The following HAPSTR1 variants were observed in gnomAD, a reference collection of about 807,000 sequenced individuals.
The protein encoded by HAPSTR1 is HUWE1 associated protein modifying stress responses.
At chr16:9,098,461 G>T in the HAPSTR1 span, among the ~76,000 whole-genome samples, 1 of 152,302 alleles carries the variant, frequency 6.6e-6, no homozygotes, top group South Asian at 2.1e-4. Flanking sequence ...TAGGGAATAC[G>T]ATTGGGAACA....
At chr16:9,092,078 A>T in the HAPSTR1 span, 3 of 1,539,322 alleles carry the variant, frequency 1.9e-6, no homozygotes, top group Non-Finnish European at 2.6e-6. Context: ...CGAGGCCGAG[A>T]TCCAGGAGCA....
chr16:9,110,628 C>T, the HAPSTR1 span: 13 of 152,186 alleles, frequency 8.5e-5, no homozygotes, highest in Non-Finnish European at 1.9e-4. Flanking sequence ...TTGTATTTAG[C>T]TCTGTGTCTC....
chr16:9,096,474 T>A, the HAPSTR1 span, among the ~76,000 whole-genome samples: 1 of 152,258 alleles, frequency 6.6e-6, no homozygotes, highest in Non-Finnish European at 1.5e-5. Context: ...TCCTCACTTT[T>A]GATACATCTT....
the HAPSTR1 span, among the ~76,000 whole-genome samples, chr16:9,116,185 C>G: frequency 6.6e-6 from 1 of 152,190 alleles, no homozygotes; most frequent in African/African-American, 2.4e-5. Flanking sequence ...ATCACCTTAT[C>G]TAGAGGGGAT....
At chr16:9,098,347 ATAT>A in the HAPSTR1 span, among the ~76,000 whole-genome samples, 3 of 152,144 alleles carry the variant, frequency 2.0e-5, no homozygotes, top group African/African-American at 7.2e-5. Context: ...CACACACAAA[ATAT>A]TATCCCCCTG....
At chr16:9,092,867 T>C in the HAPSTR1 span, 4 of 1,457,876 alleles carry the variant, frequency 2.7e-6, no homozygotes, top group East Asian at 2.3e-5. Flanking sequence ...TTTCTCTTTC[T>C]ATGTGTGTTT....
the HAPSTR1 span, among the ~76,000 whole-genome samples, chr16:9,100,905 T>C: frequency 6.6e-6 from 1 of 152,182 alleles, no homozygotes; most frequent in Admixed American, 6.5e-5. Flanking sequence ...CTTTAGACTT[T>C]TTTTCCTCTG....
At chr16:9,114,660 G>T in the HAPSTR1 span, among the ~76,000 whole-genome samples, 1 of 152,180 alleles carries the variant, frequency 6.6e-6, no homozygotes, top group Non-Finnish European at 1.5e-5. Flanking sequence ...GGCCTAAGAG[G>T]CAGGCTGGCC....
the HAPSTR1 span, chr16:9,119,921 T>C: frequency 1.3e-5 from 2 of 152,286 alleles, no homozygotes; most frequent in African/African-American, 4.8e-5. Context: ...ATGGCCAACA[T>C]CCAACCCAGA....
chr16:9,101,840 C>T, the HAPSTR1 span, among the ~76,000 whole-genome samples: 10 of 152,124 alleles, frequency 6.6e-5, no homozygotes, highest in Admixed American at 4.6e-4. Flanking sequence ...AAATTAAAGC[C>T]GCCGGTTGCA....
chr16:9,094,866 T>C, the HAPSTR1 span, among the ~76,000 whole-genome samples: 3 of 152,240 alleles, frequency 2.0e-5, no homozygotes, highest in Non-Finnish European at 2.9e-5. Context: ...TTTGGTCCTG[T>C]TGGGTTCTTG....
chr16:9,110,029 A>G, the HAPSTR1 span: 2 of 152,170 alleles, frequency 1.3e-5, no homozygotes. Flanking sequence ...AAAAAAGCTA[A>G]TAATCTCCTC....
At chr16:9,116,646 A>G in the HAPSTR1 span, 1 of 1,606,148 alleles carries the variant, frequency 6.2e-7, no homozygotes, top group Non-Finnish European at 8.5e-7. Context: ...AGCAACTCTA[A>G]AACCTTTTTT....
At chr16:9,092,983 G>A in the HAPSTR1 span, 6 of 1,609,384 alleles carry the variant, frequency 3.7e-6, no homozygotes, top group East Asian at 2.2e-5. Flanking sequence ...AGCCACCGCC[G>A]TCACCAATCT....
the HAPSTR1 span, chr16:9,109,788 A>G: frequency 6.6e-6 from 1 of 151,510 alleles, no homozygotes; most frequent in Non-Finnish European, 1.5e-5. Flanking sequence ...TAAAGGAAAA[A>G]AAACTTTTTT....
At chr16:9,118,968 A>G in the HAPSTR1 span, 1 of 152,750 alleles carries the variant, frequency 6.5e-6, no homozygotes, top group East Asian at 1.9e-4. Flanking sequence ...TGAATTGTCA[A>G]ATTTTGATAA....
the HAPSTR1 span, chr16:9,106,562 A>C: frequency 6.6e-6 from 1 of 151,954 alleles, no homozygotes; most frequent in East Asian, 2.0e-4. Flanking sequence ...GTGGGATTGC[A>C]GGTGTGAGCC....
chr16:9,105,064 C>G, the HAPSTR1 span: 1 of 152,158 alleles, frequency 6.6e-6, no homozygotes, highest in Admixed American at 6.5e-5. Flanking sequence ...AAAGGGCAAG[C>G]CAGCCCCCTC....
the HAPSTR1 span, among the ~76,000 whole-genome samples, chr16:9,095,303 A>G: frequency 1.6e-4 from 24 of 152,330 alleles, no homozygotes; most frequent in East Asian, 3.7e-3. Flanking sequence ...GAGAACAGGC[A>G]TACAGCTGTA....
Sources: gnomAD v4.1 joint callset for allele counts (sites outside exome capture counted in the v4.1 genomes callset) on GRCh38, gnomAD v4.1.1 for gene constraint, MANE v1.5 for transcripts, NCBI Gene and HGNC (gene_info 2026-07-23, HGNC 2026-07-21) for gene names.